CSNK1D: variants seen among roughly 807,000 people sequenced by gnomAD.
CSNK1D encodes casein kinase I isoform delta.
Under a neutral mutation model 46.6 loss-of-function variants are expected in CSNK1D, and 16 were observed. That is an observed-to-expected ratio of 0.34 (90% CI 0.23 to 0.52). The LOEUF is 0.52. Among genes scored for constraint, CSNK1D ranks in the 20% least tolerant of loss-of-function variants. The pLI is 0.95. For missense variants in CSNK1D, 398 were observed against 578.4 expected (o/e 0.69, Z 3.20); for synonymous variants, 276 against 228.2 (o/e 1.21, Z -1.89).
intron 2 of CSNK1D, among the ~76,000 whole-genome samples, chr17:82,262,545 T>A (rs886241594): frequency 2.6e-5 from 4 of 152,156 alleles, no homozygotes; most frequent in African/African-American, 9.7e-5. Flanking sequence ...CACTTGACTT[T>A]CACGTGAAAG....
chr17:82,272,657 C>T (rs1300142418), intron 1 of CSNK1D, among the ~76,000 whole-genome samples: 2 of 152,218 alleles, frequency 1.3e-5, no homozygotes, highest in Admixed American at 1.3e-4. Context: ...GAACCCCCAG[C>T]GGGAGGGCAA....
intron 2 of CSNK1D, among the ~76,000 whole-genome samples, chr17:82,258,339 T>C (rs1193489118): frequency 6.7e-6 from 1 of 150,326 alleles, no homozygotes; most frequent in Non-Finnish European, 1.5e-5. Context: ...CATATGTGTA[T>C]ATATATATAT....
chr17:82,266,222 T>C (rs1026313999), intron 1 of CSNK1D, among the ~76,000 whole-genome samples: 1 of 152,128 alleles, frequency 6.6e-6, no homozygotes, highest in Non-Finnish European at 1.5e-5. Context: ...GTGGTTTGAG[T>C]TTCCCCCTGA....
At position 82,251,300 on chromosome 17, in the gene CSNK1D, C is replaced by T. The variant is rs753516452; in HGVS notation, c.885+79G>A. 4 of 1,561,054 alleles carry T rather than the reference C, an allele frequency of 2.6e-6. No homozygotes were observed. The highest frequency in any genetic ancestry group is 1.7e-5 in the Admixed American group (1 of 59,284). ...CTCCCTATATGGTACAGCCCCTCAACAAGACGGCCGCCGGCCTCTCACTGA... is the reference window on the plus strand; with the variant it reads ...CTCCCTATATGGTACAGCCCCTCAATAAGACGGCCGCCGGCCTCTCACTGA... On this transcript the variant is annotated intron_variant, in intron 6 of 8. Transcript: ENST00000314028. This position sits in a 1 kb window ranked among gnomAD's most constrained non-coding sequence, Gnocchi z 4.5.
rs1451271080 is a variant in CSNK1D at position 82,249,173 on chromosome 17, G to A, written c.1058-159C>T. 1.7e-5 allele frequency: 16 copies of A among 925,110 alleles called. No individual in the cohort carries two copies. The highest frequency in any genetic ancestry group is 2.6e-5 in the Non-Finnish European group (16 of 624,520). 57.3% of individuals were successfully genotyped at this position (925,110 alleles called of 1,614,324 possible). A position where few individuals can be genotyped will look rare whatever the true frequency, so the allele number is the denominator to read the frequency against. ...ACCAACACTCAGATCCGGCCGGAGG[G>A]ACACAAAGGGACATGGGAGCGAGGT... On this transcript the variant is annotated intron_variant, in intron 7 of 8. Coordinates refer to ENST00000314028, the MANE Select transcript of CSNK1D (RefSeq NM_001893.6). The surrounding 1 kb of genome is among the most constrained non-coding windows in gnomAD (Gnocchi z 6.7).
intron 8 of CSNK1D, chr17:82,245,828 C>T (rs961381748): frequency 3.6e-6 from 3 of 835,668 alleles, no homozygotes; most frequent in Admixed American, 4.2e-5. Flanking sequence ...GCTCTGCACC[C>T]CACAAGAAGA....
At chr17:82,267,707 A>G (rs901490078) in intron 1 of CSNK1D, among the ~76,000 whole-genome samples, 3 of 152,160 alleles carry the variant, frequency 2.0e-5, no homozygotes, top group Non-Finnish European at 1.5e-5. Context: ...AAGGACCTGG[A>G]CTCTGAACTC....
rs773333120 is a variant in CSNK1D at position 82,249,222 on chromosome 17, G to A, written c.1058-208C>T. On this transcript the variant is annotated intron_variant, in intron 7 of 8. Transcript: ENST00000314028. The surrounding 1 kb of genome is among the most constrained non-coding windows in gnomAD (Gnocchi z 6.7). ...GTCAAGGGGCTCACAGGGGAGGAAC[G>A]TGAGATGCGGGAGGAATCACGCACA... 10 of 764,506 alleles carry A rather than the reference G, an allele frequency of 1.3e-5. No individual in the cohort carries two copies. Among genetic ancestry groups the A allele is most frequent in the African/African-American group, 7.0e-5 (4 of 57,044 alleles). The allele number at this position is 764,506 out of a possible 1,614,324, so 47.4% of individuals were successfully genotyped here. A position where few individuals can be genotyped will look rare whatever the true frequency, so the allele number is the denominator to read the frequency against.
intron 1 of CSNK1D, among the ~76,000 whole-genome samples, chr17:82,267,479 C>T (rs2051507048): frequency 6.6e-6 from 1 of 152,180 alleles, no homozygotes. Context: ...AACCCCTTGC[C>T]ACTGCTGCGT....
Position 82,248,685 on chromosome 17 carries a change from GC to G in CSNK1D, c.1197+189del. ...CAACCAGGAGACAAGCCCCATGACG[GC>G]CCAGCATGTCTCCCAGGCCCTCCCG... On this transcript the variant is annotated intron_variant, in intron 8 of 8. Coordinates refer to ENST00000314028, the MANE Select transcript of CSNK1D (RefSeq NM_001893.6). The surrounding 1 kb of genome is among the most constrained non-coding windows in gnomAD (Gnocchi z 4.1). The G allele has an allele frequency of 7.0e-7, 1 of 1,425,818 alleles. No individual in the cohort carries two copies. The highest frequency in any genetic ancestry group is 9.2e-7 in the Non-Finnish European group (1 of 1,090,404). The allele number at this position is 1,425,818 out of a possible 1,614,324, so 88.3% of individuals were successfully genotyped here.
chr17:82,263,511 G>A lies in CSNK1D; in HGVS notation c.187+2175C>T, dbSNP rs113525523. ...GAGTATCACAACTAGGGGCAGGGGTGCTGCCAACATCTACCATGCAGAGAA... is the reference window on the plus strand; with the variant it reads ...GAGTATCACAACTAGGGGCAGGGGTACTGCCAACATCTACCATGCAGAGAA... On this transcript the variant is annotated intron_variant, in intron 2 of 8. Transcript: ENST00000314028. 9.4e-4 allele frequency among the ~76,000 whole-genome samples: 143 copies of A among 152,338 alleles called. 1 individual carries two copies. Among genetic ancestry groups the A allele is most frequent in the African/African-American group, 3.2e-3 (133 of 41,588 alleles).
Position 82,273,182 on chromosome 17 carries a change from C to T in CSNK1D, c.76+124G>A. The stretch of plus-strand genomic sequence containing the variant: ...TGGCCGTTGGGTTCTGGCCACGATC[C>T]GGCGGTGCCGGGACTTGCGCGGAGA... On this transcript the variant is annotated intron_variant, in intron 1 of 8. Transcript: ENST00000314028. The surrounding 1 kb of genome is among the most constrained non-coding windows in gnomAD (Gnocchi z 5.1). 2 of 1,016,154 alleles carry T rather than the reference C, an allele frequency of 2.0e-6. No individual in the cohort carries two copies. Among genetic ancestry groups the T allele is most frequent in the Non-Finnish European group, 2.9e-6 (2 of 693,986 alleles). 62.9% of individuals were successfully genotyped at this position (1,016,154 alleles called of 1,614,324 possible). A position where few individuals can be genotyped will look rare whatever the true frequency, so the allele number is the denominator to read the frequency against.
In CSNK1D at chr17:82,244,324, AG is replaced by A. The variant is rs200324960; in HGVS notation, c.*456del. 0.014 allele frequency: 14,867 copies of A among 1,099,042 alleles called. 113 individuals are homozygous for A. Among genetic ancestry groups the A allele is most frequent in the Admixed American group, 0.03 (665 of 21,824 alleles). The allele number at this position is 1,099,042 out of a possible 1,614,324, so 68.1% of individuals were successfully genotyped here. A position where few individuals can be genotyped will look rare whatever the true frequency, so the allele number is the denominator to read the frequency against. On this transcript the variant is annotated 3_prime_UTR_variant, in exon 9 of 9. Coordinates refer to ENST00000314028, the MANE Select transcript of CSNK1D (RefSeq NM_001893.6). ...TTCCTTAGTCAACATTTTTTTTGTA[AG>A]ACTGCAAAAACAGACAAGAAACAAT...
intron 8 of CSNK1D, chr17:82,245,170 AG>A: frequency 2.0e-6 from 1 of 506,192 alleles, no homozygotes; most frequent in Non-Finnish European, 3.6e-6. Context: ...TACCCCTCTC[AG>A]GGAAGACATG....
Position 82,262,318 on chromosome 17 carries a change from T to C in CSNK1D, c.187+3368A>G, listed in dbSNP as rs950911209. Among the ~76,000 whole-genome samples, 3 of 152,234 alleles carry C rather than the reference T, an allele frequency of 2.0e-5. No homozygotes were observed. The South Asian group carries it at 6.2e-4, about 31-fold the overall frequency. ...AATGCCCAAGTTCAAGTCTGTCCTC[T>C]GTGAAGTTACACAGCCTTCTAAACC... is the stretch of plus-strand genomic sequence containing the variant. On this transcript the variant is annotated intron_variant, in intron 2 of 8. Transcript: ENST00000314028.
In CSNK1D at chr17:82,250,223, G is replaced by T; in HGVS notation, c.886-621C>A. 1.6e-6 allele frequency: 2 copies of T among 1,289,628 alleles called. No individual in the cohort carries two copies. Among genetic ancestry groups the T allele is most frequent in the South Asian group, 1.2e-5 (1 of 81,012 alleles). 79.9% of individuals were successfully genotyped at this position (1,289,628 alleles called of 1,614,324 possible). On this transcript the variant is annotated intron_variant, in intron 6 of 8. Coordinates refer to ENST00000314028, the MANE Select transcript of CSNK1D (RefSeq NM_001893.6). The surrounding 1 kb of genome is among the most constrained non-coding windows in gnomAD (Gnocchi z 4.6). ...TAACTGCCAATGCTGTGCGGCAGGG[G>T]CCTGCAAACTACAGCCCCGGGGCCA...
In CSNK1D at chr17:82,255,666, G is replaced by T; in HGVS notation, c.188-89C>A. On this transcript the variant is annotated intron_variant, in intron 2 of 8. Transcript: ENST00000314028. The surrounding 1 kb of genome is among the most constrained non-coding windows in gnomAD (Gnocchi z 5.9). ...GCACTGTGCACACCAAGGGGTCATGGTGACAATCCTGAACGGGGGAGGGGT... is the reference window on the plus strand; with the variant it reads ...GCACTGTGCACACCAAGGGGTCATGTTGACAATCCTGAACGGGGGAGGGGT... 1 of 1,527,286 alleles carries T rather than the reference G, an allele frequency of 6.5e-7. No individual in the cohort carries two copies. The highest frequency in any genetic ancestry group is 9.1e-7 in the Non-Finnish European group (1 of 1,103,658). 94.6% of individuals were successfully genotyped at this position (1,527,286 alleles called of 1,614,324 possible).
Position 82,242,672 on chromosome 17 carries a change from T to C in CSNK1D, c.*2109A>G, listed in dbSNP as rs1599568752. 1 of 985,372 alleles carries C rather than the reference T, an allele frequency of 1.0e-6. No individual in the cohort carries two copies. The highest frequency in any genetic ancestry group is 1.7e-5 in the African/African-American group (1 of 57,342). The allele number at this position is 985,372 out of a possible 1,614,324, so 61.0% of individuals were successfully genotyped here. On this transcript the variant is annotated 3_prime_UTR_variant, in exon 9 of 9. Coordinates refer to ENST00000314028, the MANE Select transcript of CSNK1D (RefSeq NM_001893.6). Reference sequence around the variant, plus strand: ...ACATGGAAAGGGGAGGGAAGAAAGGTAGAAGTCATTATGAATTTATTATTT... The same window carrying C: ...ACATGGAAAGGGGAGGGAAGAAAGGCAGAAGTCATTATGAATTTATTATTT...
chr17:82,255,518 C>G lies in CSNK1D; in HGVS notation c.247G>C (p.Glu83Gln). Reference sequence around the variant, plus strand: ...TCCTCCAGGCTTGGCCCCAGCAGCTCCATCACCATGACGTTGTAGTCCCCC... The same window carrying G: ...TCCTCCAGGCTTGGCCCCAGCAGCTGCATCACCATGACGTTGTAGTCCCCC... The part of the protein sequence containing the change: ...AEGDYNVMVM[E>Q]LLGPSLEDLF... Residue 83 changes from glutamate (E) to glutamine (Q), a missense_variant, in exon 3 of 9, where the codon GAG (glutamate) becomes CAG (glutamine). Transcript: ENST00000314028. This position sits in a 1 kb window ranked among gnomAD's most constrained non-coding sequence, Gnocchi z 5.9. 6.2e-7 allele frequency: 1 copy of G among 1,614,172 alleles called. No individual in the cohort carries two copies. Among genetic ancestry groups the G allele is most frequent in the Non-Finnish European group, 8.5e-7 (1 of 1,180,034 alleles).
Sources: gnomAD v4.1 joint callset for allele counts (sites outside exome capture counted in the v4.1 genomes callset) on GRCh38, gnomAD v4.1.1 for gene constraint, Gnocchi (gnomAD v3.1) non-coding constraint, MANE v1.5 for transcripts, NCBI Gene and HGNC (gene_info 2026-07-23, HGNC 2026-07-21) for gene names.